RNASEH2B: variants seen among roughly 807,000 people sequenced by gnomAD.
RNASEH2B encodes the protein ribonuclease H2 subunit B.
RNASEH2B carries 36 observed loss-of-function variants against 45.0 expected under a neutral mutation model. The observed-to-expected ratio is 0.80, with a 90% CI of 0.61 to 1.06. RNASEH2B has a LOEUF of 1.06. RNASEH2B is among the 50% of genes least tolerant of loss of function. RNASEH2B has a pLI of 0.00. For missense variants in RNASEH2B, 361 were observed against 360.3 expected, an observed-to-expected ratio of 1.00 and a Z score of -0.02; for synonymous variants, 119 against 125.7, an observed-to-expected ratio of 0.95 and a Z score of 0.35.
chr13:50,943,343 G>A lies in RNASEH2B; in HGVS notation c.459G>A (p.Lys153=). 6.2e-7 allele frequency: 1 copy of A among 1,600,812 alleles called. No individual in the cohort carries two copies. ...AAGGTAATCCAGAAATAGACAACAAGAAATATTACAAGTACAGCAAAGAGA... is the reference window on the plus strand; with the variant it reads ...AAGGTAATCCAGAAATAGACAACAAAAAATATTACAAGTACAGCAAAGAGA... ...EEKGNPEIDN[K]KYYKYSKEKT... The change falls in exon 6 of 11, where the codon AAG becomes AAA. Residue 153 remains lysine, a synonymous_variant. Transcript: ENST00000336617.
chr13:50,942,707 C>G (rs1289818768), intron 5 of RNASEH2B: 2 of 152,380 alleles, frequency 1.3e-5, no homozygotes, highest in East Asian at 3.8e-4. Context: ...AAGATGCACC[C>G]ATGACACAGC....
chr13:50,960,826 A>G (rs1330729772), downstream of RNASEH2B, among the ~76,000 whole-genome samples: 3 of 152,180 alleles, frequency 2.0e-5, no homozygotes, highest in Non-Finnish European at 4.4e-5. Context: ...TTCTGGAAGG[A>G]TTCATTTTGC....
chr13:50,914,728 C>T (rs2137884373), intron 1 of RNASEH2B, among the ~76,000 whole-genome samples: 1 of 152,280 alleles, frequency 6.6e-6, no homozygotes, highest in Middle Eastern at 3.4e-3. Context: ...CCTTTAGTAA[C>T]TGTTCCAAAA....
intron 7 of RNASEH2B, 97 bp from the exon 8 acceptor site, chr13:50,947,890 A>T (rs1951924727): frequency 1.3e-6 from 2 of 1,582,644 alleles, no homozygotes; most frequent in Non-Finnish European, 1.7e-6. Context: ...CTTTATCCAG[A>T]TAGGGTCAGA....
At chr13:50,930,345 TTC>T (rs1423889080) in intron 3 of RNASEH2B, among the ~76,000 whole-genome samples, 1 of 152,184 alleles carries the variant, frequency 6.6e-6, no homozygotes, top group Non-Finnish European at 1.5e-5. Context: ...CGTCTTCTCA[TTC>T]TGTCTGTGCT....
At chr13:50,947,407 G>GTA (rs1012852647) in intron 7 of RNASEH2B, among the ~76,000 whole-genome samples, 1 of 151,420 alleles carries the variant, frequency 6.6e-6, no homozygotes, top group African/African-American at 2.4e-5. Context: ...GTGTGTGTGT[G>GTA]TGTGTGTGTG....
chr13:50,932,620 A>C (rs1951694425), intron 4 of RNASEH2B, among the ~76,000 whole-genome samples: 1 of 152,186 alleles, frequency 6.6e-6, no homozygotes, highest in African/African-American at 2.4e-5. Flanking sequence ...AGTATTAGGA[A>C]AATAGCTTTG....
chr13:50,953,937 A>G lies in RNASEH2B; in HGVS notation c.774A>G (p.Ala258=), dbSNP rs1952009161. The change falls in exon 10 of 11, where the codon GCA becomes GCG. Residue 258 remains alanine, a synonymous_variant. Coordinates refer to ENST00000336617, the MANE Select transcript of RNASEH2B (RefSeq NM_024570.4). ...KIKLSDEPVE[A]KEDYTKFNTK... Reference sequence around the variant, plus strand: ...AGTTATCAGATGAGCCTGTAGAAGCAAAAGAAGATTACACTAAGTTTAATA... The same window carrying G: ...AGTTATCAGATGAGCCTGTAGAAGCGAAAGAAGATTACACTAAGTTTAATA... 6.2e-7 allele frequency: 1 copy of G among 1,608,290 alleles called. No homozygotes were observed. Among genetic ancestry groups the G allele is most frequent in the Non-Finnish European group, 8.5e-7 (1 of 1,174,812 alleles).
At chr13:50,966,226 C>T (rs1187539809) in intron 9 of RNASEH2B, among the ~76,000 whole-genome samples, 6 of 152,140 alleles carry the variant, frequency 3.9e-5, no homozygotes, top group Admixed American at 2.6e-4. Context: ...TAAGTACACA[C>T]AAACATAAAT....
rs1169195187 is a variant in RNASEH2B at position 50,943,336 on chromosome 13, A to G, written c.452A>G (p.Asp151Gly). The stretch of plus-strand genomic sequence containing the variant: ...TTCTTTTAAGGTAATCCAGAAATAG[A>G]CAACAAGAAATATTACAAGTACAGC... Reference protein sequence around the residue: ...VTEEKGNPEIDNKKYYKYSKE... With the variant: ...VTEEKGNPEIGNKKYYKYSKE... Residue 151 changes from aspartate to glycine, a missense_variant, in exon 6 of 11, where the codon GAC becomes GGC. Transcript: ENST00000336617. The G allele has an allele frequency of 1.9e-6, 3 of 1,597,198 alleles. No homozygotes were observed. Among genetic ancestry groups the G allele is most frequent in the East Asian group, 2.2e-5 (1 of 44,700 alleles).
chr13:50,953,991 T>G lies in RNASEH2B; in HGVS notation c.822+6T>G. On this transcript the variant is annotated splice_donor_region_variant and intron_variant, in intron 10 of 10. Transcript: ENST00000336617. ...AAGATTTGAAGACTGAAAAGGTATG[T>G]GGGTTCAGGTGTAGTGGTGTTTCGT... is the stretch of plus-strand genomic sequence containing the variant. 6.4e-7 allele frequency: 1 copy of G among 1,563,930 alleles called. No individual in the cohort carries two copies. The highest frequency in any genetic ancestry group is 8.8e-7 in the Non-Finnish European group (1 of 1,134,622).
At chr13:50,954,357 C>T in intron 10 of RNASEH2B, 1 of 417,800 alleles carries the variant, frequency 2.4e-6, no homozygotes, top group Non-Finnish European at 4.2e-6. Flanking sequence ...TCAGCATTCA[C>T]CCTGGCAAAT....
chr13:50,947,496 G>A (rs1206409262), intron 7 of RNASEH2B, among the ~76,000 whole-genome samples: 1 of 150,928 alleles, frequency 6.6e-6, no homozygotes, highest in Non-Finnish European at 1.5e-5. Context: ...TTCTTATAAA[G>A]CAAATACCTA....
chr13:50,936,561 T>A (rs1294856926), intron 5 of RNASEH2B: 2 of 152,212 alleles, frequency 1.3e-5, no homozygotes, highest in Non-Finnish European at 1.5e-5. Context: ...CATTCCCTGA[T>A]GCTGAGTTTG....
chr13:50,921,278 G>C (rs1353819702), intron 1 of RNASEH2B: 1 of 152,010 alleles, frequency 6.6e-6, no homozygotes, highest in Non-Finnish European at 1.5e-5. Context: ...TCTGATTCTG[G>C]GTCCAATGTT....
intron 5 of RNASEH2B, among the ~76,000 whole-genome samples, chr13:50,940,014 G>A (rs930754226): frequency 6.6e-5 from 10 of 152,146 alleles, no homozygotes; most frequent in Admixed American, 2.6e-4. Flanking sequence ...GGCTGTCCAC[G>A]GCTTAAAATG....
At chr13:50,935,102 A>G (rs769439629) in intron 5 of RNASEH2B, 103 bp downstream of exon 5, 1 of 750,144 alleles carries the variant, frequency 1.3e-6, no homozygotes, top group Non-Finnish European at 2.4e-6. Context: ...TTCTGTGTCC[A>G]CCATAGGGAA....
intron 1 of RNASEH2B, among the ~76,000 whole-genome samples, chr13:50,916,702 T>C (rs1393843566): frequency 6.6e-6 from 1 of 152,234 alleles, no homozygotes; most frequent in Non-Finnish European, 1.5e-5. Flanking sequence ...TCCCTTGGTG[T>C]GCTTTCCTGA....
chr13:50,943,275 TA>T (rs1951855288), intron 5 of RNASEH2B, 45 bp from the exon 6 acceptor site: 4 of 1,105,548 alleles, frequency 3.6e-6, no homozygotes, highest in Non-Finnish European at 5.5e-6. Context: ...CTTAGGAGTT[TA>T]TTTTTTTTTT....
Sources: allele counts gnomAD v4.1 joint callset (sites outside exome capture counted in the v4.1 genomes callset), GRCh38; gene constraint gnomAD v4.1.1; transcripts MANE v1.5; gene names NCBI Gene and HGNC (gene_info 2026-07-23, HGNC 2026-07-21).